The following CUL1 variants were observed in gnomAD, a reference collection of about 807,000 sequenced individuals.
CUL1 encodes the protein cullin-1.
A neutral mutation model predicts 118.0 loss-of-function variants in CUL1; 24 were observed. The observed-to-expected ratio is 0.20, with a 90% confidence interval of 0.15 to 0.29. The LOEUF is 0.29. Ranked by LOEUF, CUL1 falls within the 10% of genes least tolerant of loss-of-function variation. The pLI is 1.00. For missense variants in CUL1, 361 were observed against 933.8 expected, an observed-to-expected ratio of 0.39 and a Z score of 7.99; for synonymous variants, 332 against 340.4, an observed-to-expected ratio of 0.98 and a Z score of 0.27.
intron 2 of CUL1, among the ~76,000 whole-genome samples, chr7:148,747,992 G>T (rs1799357647): frequency 6.6e-6 from 1 of 152,172 alleles, no homozygotes; most frequent in Non-Finnish European, 1.5e-5. Flanking sequence ...AGAGGTAATA[G>T]AATCTTCCAA....
intron 1 of CUL1, among the ~76,000 whole-genome samples, chr7:148,701,696 A>G (rs1055332781): frequency 1.3e-5 from 2 of 152,200 alleles, no homozygotes; most frequent in Non-Finnish European, 2.9e-5. Context: ...TCTGAGGGCC[A>G]TTCATCAGAA....
At position 148,787,087 on chromosome 7, in the gene CUL1, C is replaced by T. The variant is rs774670924; in HGVS notation, c.1446C>T (p.Asp482=). ...KRLVHQNSAS[D]DAEASMISKL... is the part of the protein sequence containing the mutation. The stretch of plus-strand genomic sequence containing the variant: ...TCGTCCACCAGAACAGTGCAAGTGA[C>T]GATGCCGAAGCCAGCATGATCTCCA... Residue 482 remains aspartate, a synonymous_variant, in exon 13 of 22, where the codon GAC becomes GAT. Transcript: ENST00000325222. The surrounding 1 kb of genome is among the most constrained non-coding windows in gnomAD (Gnocchi z 5.5). 13 of 1,613,428 alleles carry T rather than the reference C, an allele frequency of 8.1e-6. No individual in the cohort carries two copies. Among genetic ancestry groups the T allele is most frequent in the Admixed American group, 6.7e-5 (4 of 59,924 alleles).
intron 1 of CUL1, among the ~76,000 whole-genome samples, chr7:148,725,086 C>T (rs191109615): frequency 6.6e-6 from 1 of 152,088 alleles, no homozygotes; most frequent in African/African-American, 2.4e-5. Flanking sequence ...TTTGTGGGCA[C>T]CTGTATTCTA....
Position 148,744,397 on chromosome 7 carries a change from AGTGTGTGT to A in CUL1, c.141-9545_141-9538del, listed in dbSNP as rs56093418. ...TAATATATTTGTTGGTTGTTTCTGC[AGTGTGTGT>A]GTGTGTGTGTGTGTGTGTGTGTGTG... On this transcript the variant is annotated intron_variant, in intron 2 of 21. Transcript: ENST00000325222. Among the ~76,000 whole-genome samples the A allele has an allele frequency of 5.0e-3, 721 of 144,066 alleles. 6 individuals carry two copies. The highest frequency in any genetic ancestry group is 0.01 in the African/African-American group (391 of 39,086). 94.5% of individuals were successfully genotyped at this position (144,066 alleles called of 152,430 possible).
intron 9 of CUL1, among the ~76,000 whole-genome samples, chr7:148,775,344 G>A (rs1800360971): frequency 6.6e-6 from 1 of 152,184 alleles, no homozygotes; most frequent in African/African-American, 2.4e-5. Context: ...AAGGAGATAG[G>A]ATACACATGG....
intron 17 of CUL1, among the ~76,000 whole-genome samples, chr7:148,796,849 C>G (rs1213839697): frequency 6.6e-6 from 1 of 152,162 alleles, no homozygotes; most frequent in Non-Finnish European, 1.5e-5. Flanking sequence ...GGGCAGTATT[C>G]GAATGGCTGC....
At chr7:148,743,773 C>G (rs537041998) in intron 2 of CUL1, among the ~76,000 whole-genome samples, 57 of 152,180 alleles carry the variant, frequency 3.7e-4, no homozygotes, top group African/African-American at 1.2e-3. Context: ...ACTAAAAATA[C>G]AAAAATTAGC....
intron 9 of CUL1, among the ~76,000 whole-genome samples, chr7:148,769,111 C>T (rs957135244): frequency 6.6e-6 from 1 of 152,120 alleles, no homozygotes. Flanking sequence ...GATCTCAGCT[C>T]CACCATTGAC....
intron 1 of CUL1, among the ~76,000 whole-genome samples, chr7:148,717,121 GTGA>G (rs1409595733): frequency 1.3e-5 from 2 of 152,120 alleles, no homozygotes; most frequent in Non-Finnish European, 2.9e-5. Flanking sequence ...GTGCAGTGGG[GTGA>G]TCTCTGCTCA....
chr7:148,798,142 A>T (rs1801270192), intron 19 of CUL1, 123 bp downstream of exon 19: 2 of 609,382 alleles, frequency 3.3e-6, no homozygotes, highest in Non-Finnish European at 5.7e-6. Context: ...AGCGACAGGC[A>T]CTAGGCTGGG....
intron 1 of CUL1, among the ~76,000 whole-genome samples, chr7:148,729,537 A>C (rs1798688341): frequency 6.6e-6 from 1 of 152,222 alleles, no homozygotes. Flanking sequence ...GTGAAGAGCT[A>C]CTAAAAGTCA....
At chr7:148,699,537 T>C (rs1333134563) in intron 1 of CUL1, among the ~76,000 whole-genome samples, 1 of 152,062 alleles carries the variant, frequency 6.6e-6, no homozygotes, top group Non-Finnish European at 1.5e-5. Context: ...CGTGTTCCCC[T>C]GTGAGCTCTG....
At chr7:148,781,079 ATTTTTT>A (rs1197920664) in intron 9 of CUL1, among the ~76,000 whole-genome samples, 23 of 93,734 alleles carry the variant, frequency 2.5e-4, no homozygotes, top group East Asian at 3.1e-4. Context: ...TCAAGGCCAG[ATTTTTT>A]TTTTTTTTTT....
intron 17 of CUL1, among the ~76,000 whole-genome samples, chr7:148,796,934 C>T (rs540495064): frequency 6.6e-6 from 1 of 152,274 alleles, no homozygotes; most frequent in South Asian, 2.1e-4. Context: ...ATCCTCAGAC[C>T]AGAATGGGTA....
intron 1 of CUL1, among the ~76,000 whole-genome samples, chr7:148,722,863 C>A (rs1379023466): frequency 1.3e-5 from 2 of 152,238 alleles, no homozygotes; most frequent in Admixed American, 6.5e-5. Context: ...CTCTTCCCAG[C>A]CAGAGGCAGG....
At chr7:148,782,884 A>G (rs74697723) in intron 9 of CUL1, among the ~76,000 whole-genome samples, 11,408 of 152,138 alleles carry the variant, frequency 0.075, 501 homozygotes, top group African/African-American at 0.1. Context: ...GGTGACCCGG[A>G]GCTCCCTCCC....
intron 7 of CUL1, among the ~76,000 whole-genome samples, chr7:148,766,093 G>GGTT (rs1799993899): frequency 6.6e-6 from 1 of 152,162 alleles, no homozygotes; most frequent in African/African-American, 2.4e-5. Context: ...GTTTAAATAT[G>GGTT]GTTGTTGTTT....
intron 3 of CUL1, among the ~76,000 whole-genome samples, chr7:148,755,625 T>C (rs939410350): frequency 1.3e-5 from 2 of 152,210 alleles, no homozygotes; most frequent in Non-Finnish European, 2.9e-5. Context: ...TAATTATTCT[T>C]TAGTACTAAA....
intron 9 of CUL1, among the ~76,000 whole-genome samples, chr7:148,781,773 G>A (rs1288490457): frequency 6.6e-6 from 1 of 152,210 alleles, no homozygotes; most frequent in Non-Finnish European, 1.5e-5. Context: ...TGCAGGCCGA[G>A]TGGTCAGGCT....
Sources: allele counts gnomAD v4.1 joint callset (sites outside exome capture counted in the v4.1 genomes callset), GRCh38; gene constraint gnomAD v4.1.1; non-coding constraint Gnocchi (gnomAD v3.1); transcripts MANE v1.5; gene names NCBI Gene and HGNC (gene_info 2026-07-23, HGNC 2026-07-21).